The following TTC28 variants were observed in gnomAD, a reference collection of about 807,000 sequenced individuals.
TTC28 encodes the protein tetratricopeptide repeat protein 28.
A neutral mutation model predicts 198.0 loss-of-function variants in TTC28; 61 were observed. The ratio of observed to expected loss-of-function variants is 0.31; its 90% CI spans 0.25 to 0.38. The LOEUF is 0.38. Among genes scored for constraint, TTC28 ranks in the 10% least tolerant of loss-of-function variants. The pLI is 1.00. For synonymous variants in TTC28, 1,171 were observed against 1,297.8 expected, an observed-to-expected ratio of 0.90 and a Z score of 2.10; for missense variants, 2,678 against 3,164.0, an observed-to-expected ratio of 0.85 and a Z score of 3.69.
At chr22:27,990,071 C>G in intron 20 of TTC28, 64 bp from the exon 21 acceptor site, 12 of 1,515,914 alleles carry the variant, frequency 7.9e-6, no homozygotes, top group Non-Finnish European at 1.1e-5. Context: ...CCTCAAGACT[C>G]GACCCATTAT....
chr22:27,982,803 C>T lies in TTC28; in HGVS notation c.6864G>A (p.Leu2288=). 6.5e-7 allele frequency: 1 copy of T among 1,543,110 alleles called. No homozygotes were observed. Among genetic ancestry groups the T allele is most frequent in the Non-Finnish European group, 8.8e-7 (1 of 1,141,730 alleles). The part of the protein sequence containing the change: ...TSQLDQPLFK[L]KYPSSPYSAH... ...CGCTGTAAGGAGAGCTGGGGTACTT[C>T]AGTTTAAAGAGAGGCTGGTCCAGCT... The change falls in exon 23 of 23, where the codon CTG becomes CTA. Residue 2288 remains leucine, a synonymous_variant. Coordinates refer to ENST00000397906, the MANE Select transcript of TTC28 (RefSeq NM_001145418.2). This position sits in a 1 kb window ranked among gnomAD's most constrained non-coding sequence, Gnocchi z 5.2.
chr22:27,985,405 G>C (rs1937176241), intron 21 of TTC28, 49 bp from the exon 22 acceptor site: 1 of 1,448,468 alleles, frequency 6.9e-7, no homozygotes, highest in Non-Finnish European at 9.5e-7. Context: ...GAAGATTCCA[G>C]ATCTTGAACA....
rs1015163086 is a variant in TTC28 at position 28,018,489 on chromosome 22, G to A, written c.4074-4097C>T. ...GAGCAGGAGGCATCTGTGGCTAGCC[G>A]CCCAGCCCCGCAGCAGCAGCCTTCG... On this transcript the variant is annotated intron_variant, in intron 13 of 22. Coordinates refer to ENST00000397906, the MANE Select transcript of TTC28 (RefSeq NM_001145418.2). Among the ~76,000 whole-genome samples the A allele has an allele frequency of 2.6e-5, 4 of 152,286 alleles. 1 individual carries two copies. Among genetic ancestry groups the A allele is most frequent in the South Asian group, 2.1e-4 (1 of 4,824 alleles).
intron 2 of TTC28, among the ~76,000 whole-genome samples, chr22:28,543,728 G>C (rs758892313): frequency 6.6e-6 from 1 of 152,104 alleles, no homozygotes; most frequent in Non-Finnish European, 1.5e-5. Flanking sequence ...GTACTAAGAG[G>C]AGACATTTTC....
chr22:28,032,252 T>TATATATATATAAAAA (rs1939153853), intron 12 of TTC28, among the ~76,000 whole-genome samples: 1 of 79,566 alleles, frequency 1.3e-5, no homozygotes, highest in Admixed American at 1.6e-4. Context: ...ATATATAAAA[T>TATATATATATAAAAA]ATATATATAT....
In TTC28 at chr22:28,242,355, A is replaced by C. The variant is rs188433254; in HGVS notation, c.933+53843T>G. The stretch of plus-strand genomic sequence containing the variant: ...AACTGATGAACTACAAGTGTAGGAA[A>C]AAAGCTCTTGTTTCTCTAAAAACTA... On this transcript the variant is annotated intron_variant, in intron 5 of 22. Coordinates refer to ENST00000397906, the MANE Select transcript of TTC28 (RefSeq NM_001145418.2). Among the ~76,000 whole-genome samples, 214 of 152,358 alleles carry C rather than the reference A, an allele frequency of 1.4e-3. 1 individual carries two copies. Among genetic ancestry groups the C allele is most frequent in the African/African-American group, 4.8e-3 (199 of 41,580 alleles).
chr22:28,007,802 T>C (rs1937987544), intron 14 of TTC28: 1 of 152,236 alleles, frequency 6.6e-6, no homozygotes, highest in Non-Finnish European at 1.5e-5. Flanking sequence ...AGAATGCCAC[T>C]TACCACGTGA....
chr22:28,308,610 G>GCAGTCA (rs2045191003), intron 2 of TTC28, among the ~76,000 whole-genome samples: 1 of 152,142 alleles, frequency 6.6e-6, no homozygotes, highest in Non-Finnish European at 1.5e-5. Context: ...TAGGGAGGTA[G>GCAGTCA]GTAAAGTTCA....
chr22:28,402,654 C>T (rs909708320), intron 2 of TTC28, among the ~76,000 whole-genome samples: 8 of 152,192 alleles, frequency 5.3e-5, no homozygotes, highest in Non-Finnish European at 1.0e-4. Context: ...CCTCAGATCA[C>T]TATGTAGTAA....
chr22:28,084,411 G>A (rs191476975), intron 12 of TTC28, among the ~76,000 whole-genome samples: 6,581 of 152,230 alleles, frequency 0.043, 234 homozygotes, highest in South Asian at 0.14. Context: ...GGTCTGGAGT[G>A]GACCTCCAGT....
chr22:27,982,347 C>T lies in TTC28; in HGVS notation c.7320G>A (p.Ser2440=), dbSNP rs1279510513. The part of the protein sequence containing the change: ...PNGHWRTETT[S]LGSLPLPAGP... The stretch of plus-strand genomic sequence containing the variant: ...CGGCGGGCAGCGGCAGTGAGCCCAG[C>T]GAGGTGGTCTCGGTGCGCCAGTGTC... The change falls in exon 23 of 23, where the codon TCG becomes TCA. Residue 2440 remains serine, a synonymous_variant. Coordinates refer to ENST00000397906, the MANE Select transcript of TTC28 (RefSeq NM_001145418.2). This position sits in a 1 kb window ranked among gnomAD's most constrained non-coding sequence, Gnocchi z 5.2. 9 of 1,545,200 alleles carry T rather than the reference C, an allele frequency of 5.8e-6. No individual in the cohort carries two copies. Among genetic ancestry groups the T allele is most frequent in the South Asian group, 4.8e-5 (4 of 83,192 alleles).
intron 6 of TTC28, among the ~76,000 whole-genome samples, chr22:28,137,963 C>T (rs1019673409): frequency 6.6e-6 from 1 of 151,972 alleles, no homozygotes; most frequent in Non-Finnish European, 1.5e-5. Flanking sequence ...TGCAGTGAGC[C>T]GAGATCGCGC....
chr22:28,013,641 G>A (rs1259470151), intron 14 of TTC28, among the ~76,000 whole-genome samples: 1 of 152,192 alleles, frequency 6.6e-6, no homozygotes, highest in Non-Finnish European at 1.5e-5. Flanking sequence ...AAGTTGCTCA[G>A]ACAAGATTCT....
chr22:28,321,100 T>C (rs2045439245), intron 2 of TTC28, among the ~76,000 whole-genome samples: 1 of 152,188 alleles, frequency 6.6e-6, no homozygotes, highest in African/African-American at 2.4e-5. Flanking sequence ...ATACTGCTGG[T>C]AAAAAATCCA....
rs191025226 is a variant in TTC28, at chr22:27,981,230, A to T, written c.*991T>A. On this transcript the variant is annotated 3_prime_UTR_variant, in exon 23 of 23. Coordinates refer to ENST00000397906, the MANE Select transcript of TTC28 (RefSeq NM_001145418.2). ...TGGTTAAATCTAGTTAGCCATGGAA[A>T]TTTTTTTTTTTTTTTTTTTTTTTTT... 0.13 allele frequency: 6,452 copies of T among 48,282 alleles called. 371 individuals are homozygous for T. Among genetic ancestry groups the T allele is most frequent in the African/African-American group, 0.26 (4,062 of 15,578 alleles). The allele number at this position is 48,282 out of a possible 1,614,324, so 3.0% of individuals were successfully genotyped here.
intron 1 of TTC28, among the ~76,000 whole-genome samples, chr22:28,659,394 A>C (rs2051707885): frequency 6.6e-6 from 1 of 151,876 alleles, no homozygotes; most frequent in African/African-American, 2.4e-5. Context: ...TCTGCCTCCC[A>C]AGTAGCTGGG....
chr22:28,149,052 G>A (rs2147010111), intron 6 of TTC28, among the ~76,000 whole-genome samples: 1 of 152,290 alleles, frequency 6.6e-6, no homozygotes, highest in South Asian at 2.1e-4. Context: ...TTTCGTCATT[G>A]TACGAACATC....
intron 2 of TTC28, among the ~76,000 whole-genome samples, chr22:28,612,548 T>A (rs2050836446): frequency 6.6e-6 from 1 of 151,998 alleles, no homozygotes; most frequent in African/African-American, 2.4e-5. Context: ...ACATCACACA[T>A]CACACTTATT....
At chr22:28,280,945 G>A (rs867945024) in intron 5 of TTC28, among the ~76,000 whole-genome samples, 3 of 151,868 alleles carry the variant, frequency 2.0e-5, no homozygotes, top group African/African-American at 4.8e-5. Flanking sequence ...CATTATTTCT[G>A]ATAAGAAATA....
Sources: allele counts gnomAD v4.1 joint callset (sites outside exome capture counted in the v4.1 genomes callset), GRCh38; gene constraint gnomAD v4.1.1; non-coding constraint Gnocchi (gnomAD v3.1); transcripts MANE v1.5; gene names NCBI Gene and HGNC (gene_info 2026-07-23, HGNC 2026-07-21).